The following XYLT1 variants were observed in gnomAD, a reference collection of about 807,000 sequenced individuals.
XYLT1 encodes xylosyltransferase 1, also known as beta-D-xylosyltransferase 1.
In XYLT1, 36 loss-of-function variants were observed where a neutral mutation model predicts 91.3. That is an observed-to-expected ratio of 0.39 (90% CI 0.30 to 0.52). XYLT1 has a LOEUF of 0.52. Ranked by LOEUF, XYLT1 falls within the 20% of genes least tolerant of loss-of-function variation. The probability of loss-of-function intolerance (pLI) is 0.68; values close to 1 mark genes in which losing one functional copy is unlikely to be tolerated. For synonymous variants in XYLT1, 588 were observed against 532.0 expected, an observed-to-expected ratio of 1.11 and a Z score of -1.45; for missense variants, 1,242 against 1,284.5, an observed-to-expected ratio of 0.97 and a Z score of 0.51.
chr16:17,450,718 T>C (rs1184520111), intron 1 of XYLT1, among the ~76,000 whole-genome samples: 2 of 152,192 alleles, frequency 1.3e-5, no homozygotes, highest in South Asian at 2.1e-4. Flanking sequence ...CGAGATCACT[T>C]TGTCTTGCGT....
intron 2 of XYLT1, among the ~76,000 whole-genome samples, chr16:17,336,058 G>A (rs914121530): frequency 6.6e-6 from 1 of 152,160 alleles, no homozygotes; most frequent in African/African-American, 2.4e-5. Context: ...CTTTGTAAAG[G>A]AAGAAGAGGA....
At chr16:17,171,971 G>A (rs753046317) in intron 5 of XYLT1, among the ~76,000 whole-genome samples, 8 of 152,176 alleles carry the variant, frequency 5.3e-5, no homozygotes, top group Non-Finnish European at 1.2e-4. Flanking sequence ...CTCACTAACT[G>A]CCCAATCTTG....
chr16:17,165,834 G>C (rs553457244), intron 5 of XYLT1, among the ~76,000 whole-genome samples: 1 of 152,296 alleles, frequency 6.6e-6, no homozygotes, highest in South Asian at 2.1e-4. Context: ...GGCATGATAG[G>C]TTTCTGTAGG....
chr16:17,232,450 C>CATAT lies in XYLT1; in HGVS notation c.913+26534_913+26537dup, dbSNP rs5815943. Among the ~76,000 whole-genome samples, 517 of 113,214 alleles carry CATAT rather than the reference C, an allele frequency of 4.6e-3. 7 individuals carry two copies. Among genetic ancestry groups the CATAT allele is most frequent in the South Asian group, 0.016 (53 of 3,372 alleles). The allele number at this position is 113,214 out of a possible 152,430, so 74.3% of individuals were successfully genotyped here. On this transcript the variant is annotated intron_variant, in intron 3 of 11. Coordinates refer to ENST00000261381, the MANE Select transcript of XYLT1 (RefSeq NM_022166.4). ...GTGTGTATATATATATATATATATA[C>CATAT]ATATATATATATATATTGCCCATGT...
intron 3 of XYLT1, 145 bp downstream of exon 3, chr16:17,258,843 C>G (rs1175321457): frequency 9.6e-7 from 1 of 1,045,460 alleles, no homozygotes; most frequent in Non-Finnish European, 1.3e-6. Context: ...AGTACTAGAA[C>G]ACATCAGATC....
intron 3 of XYLT1, among the ~76,000 whole-genome samples, chr16:17,233,731 C>A (rs1433108055): frequency 6.6e-6 from 1 of 152,202 alleles, no homozygotes; most frequent in Non-Finnish European, 1.5e-5. Flanking sequence ...CTGCAGTTCT[C>A]AAGGCAAGGG....
chr16:17,299,300 T>C (rs947905110), intron 2 of XYLT1, among the ~76,000 whole-genome samples: 1 of 152,156 alleles, frequency 6.6e-6, no homozygotes, highest in Admixed American at 6.5e-5. Flanking sequence ...AAATGTGAAT[T>C]GGGGGAAATA....
In XYLT1 at chr16:17,312,049, G is replaced by C. The variant is rs1368986886; in HGVS notation, c.402+45963C>G. 6.6e-6 allele frequency among the ~76,000 whole-genome samples: 1 copy of C among 152,116 alleles called. No individual in the cohort carries two copies. Among genetic ancestry groups the C allele is most frequent in the African/African-American group, 2.4e-5 (1 of 41,418 alleles). On this transcript the variant is annotated intron_variant, in intron 2 of 11. Transcript: ENST00000261381. The surrounding 1 kb of genome is among the most constrained non-coding windows in gnomAD (Gnocchi z 4.4). The stretch of plus-strand genomic sequence containing the variant: ...GGGACACAACCAAACCATATCAATG[G>C]GGGTTTAAGCAGAGGTCTGAGGCCC...
chr16:17,454,226 C>T (rs915649725), intron 1 of XYLT1, among the ~76,000 whole-genome samples: 1 of 152,222 alleles, frequency 6.6e-6, no homozygotes, highest in African/African-American at 2.4e-5. Flanking sequence ...AGAATGTTCA[C>T]AGCAGCACTA....
At chr16:17,258,501 CAT>C (rs2033669778) in intron 3 of XYLT1, among the ~76,000 whole-genome samples, 1 of 151,422 alleles carries the variant, frequency 6.6e-6, no homozygotes, top group East Asian at 1.9e-4. Context: ...AAACAGGAAA[CAT>C]ATGAGGAAGA....
chr16:17,394,502 G>A (rs538126585), intron 1 of XYLT1, among the ~76,000 whole-genome samples: 3 of 152,338 alleles, frequency 2.0e-5, no homozygotes, highest in Admixed American at 2.0e-4. Flanking sequence ...GTGCCCTGGA[G>A]GCAGCAGTCC....
intron 3 of XYLT1, among the ~76,000 whole-genome samples, chr16:17,232,429 G>GTGTATATATATA (rs1194509016): frequency 3.3e-5 from 4 of 121,724 alleles, no homozygotes; most frequent in Non-Finnish European, 6.8e-5. Flanking sequence ...GTGTGTGTGT[G>GTGTATATATATA]TATATATATA....
intron 2 of XYLT1, among the ~76,000 whole-genome samples, chr16:17,262,035 T>C (rs2033730379): frequency 1.3e-5 from 2 of 152,178 alleles, no homozygotes; most frequent in African/African-American, 4.8e-5. Flanking sequence ...CCAGAGGCCC[T>C]TGAAGAGTCC....
chr16:17,419,353 CAAAAAA>C (rs751794932), intron 1 of XYLT1, among the ~76,000 whole-genome samples: 1 of 151,552 alleles, frequency 6.6e-6, no homozygotes, highest in Non-Finnish European at 1.5e-5. Context: ...AAAACAAAAA[CAAAAAA>C]AGATAGACTG....
intron 5 of XYLT1, among the ~76,000 whole-genome samples, chr16:17,175,471 A>G (rs1376419625): frequency 6.6e-6 from 1 of 152,162 alleles, no homozygotes; most frequent in Non-Finnish European, 1.5e-5. Context: ...AGGTTAAGTG[A>G]CTTGGCCTAG....
intron 5 of XYLT1, among the ~76,000 whole-genome samples, chr16:17,161,177 G>A (rs977405404): frequency 6.6e-6 from 1 of 152,302 alleles, no homozygotes; most frequent in East Asian, 1.9e-4. Context: ...GTGAGCTGGG[G>A]CCATTTTCAC....
rs530606247 is a variant in XYLT1 at position 17,404,224 on chromosome 16, T to G, written c.364-46174A>C. On this transcript the variant is annotated intron_variant, in intron 1 of 11. Coordinates refer to ENST00000261381, the MANE Select transcript of XYLT1 (RefSeq NM_022166.4). ...ACACAGCGAGCTGAGCAGCCCCTGA[T>G]GAAACCAAAAGAGTCTCAGATCCTG... Among the ~76,000 whole-genome samples the G allele has an allele frequency of 9.8e-5, 15 of 152,298 alleles. No individual in the cohort carries two copies. In the South Asian group the frequency reaches 3.1e-3, roughly 32 times the overall value.
At chr16:17,373,060 T>C (rs1426373870) in intron 1 of XYLT1, among the ~76,000 whole-genome samples, 1 of 152,214 alleles carries the variant, frequency 6.6e-6, no homozygotes, top group African/African-American at 2.4e-5. Flanking sequence ...TTGTGCCTGT[T>C]AGCAATACAT....
chr16:17,465,839 C>T (rs1263716455), intron 1 of XYLT1, among the ~76,000 whole-genome samples: 1 of 152,194 alleles, frequency 6.6e-6, no homozygotes, highest in Non-Finnish European at 1.5e-5. Context: ...AACAGGCCCA[C>T]ATGAGTTCAC....
Sources: allele counts gnomAD v4.1 joint callset (sites outside exome capture counted in the v4.1 genomes callset), GRCh38; gene constraint gnomAD v4.1.1; non-coding constraint Gnocchi (gnomAD v3.1); transcripts MANE v1.5; gene names NCBI Gene and HGNC (gene_info 2026-07-23, HGNC 2026-07-21).